ELMO1: variants seen among roughly 807,000 people sequenced by gnomAD.
ELMO1 encodes engulfment and cell motility 1, also known as engulfment and cell motility protein 1.
In ELMO1, 26 loss-of-function variants were observed where a neutral mutation model predicts 98.9. That is an observed-to-expected ratio of 0.26 (90% CI 0.19 to 0.36). The LOEUF is 0.36. Ranked by LOEUF, ELMO1 falls within the 10% of genes least tolerant of loss-of-function variation. ELMO1 has a pLI of 1.00. For missense variants in ELMO1, 627 were observed against 935.2 expected (o/e 0.67, Z 4.30); for synonymous variants, 346 against 346.0 (o/e 1.00, Z 0.00).
intron 1 of ELMO1, among the ~76,000 whole-genome samples, chr7:37,406,270 T>TTG (rs1380061586): frequency 1.3e-5 from 2 of 151,654 alleles, no homozygotes; most frequent in East Asian, 1.9e-4. Context: ...CTCTTTTGTT[T>TTG]TTTTTTTTTC....
At chr7:36,982,286 G>A (rs1791132439) in intron 16 of ELMO1, among the ~76,000 whole-genome samples, 1 of 152,228 alleles carries the variant, frequency 6.6e-6, no homozygotes, top group Admixed American at 6.5e-5. Flanking sequence ...TAAAACACAT[G>A]TCATATTTCA....
At chr7:36,900,711 T>C (rs1156936603) in intron 16 of ELMO1, among the ~76,000 whole-genome samples, 1 of 152,148 alleles carries the variant, frequency 6.6e-6, no homozygotes, top group Non-Finnish European at 1.5e-5. Flanking sequence ...AAGTACAATC[T>C]ACCCCCAACC....
chr7:37,174,886 C>T (rs1790416630), intron 13 of ELMO1, among the ~76,000 whole-genome samples: 1 of 152,048 alleles, frequency 6.6e-6, no homozygotes, highest in East Asian at 1.9e-4. Flanking sequence ...ATCAATAAGC[C>T]ACACCACAAA....
At chr7:36,895,138 C>A in intron 16 of ELMO1, 121 bp from the exon 17 acceptor site, 1 of 1,119,722 alleles carries the variant, frequency 8.9e-7, no homozygotes, top group Non-Finnish European at 1.3e-6. Context: ...TCAGCATTAA[C>A]CTTGAGCATG....
At chr7:37,007,285 C>A (rs919699420) in intron 16 of ELMO1, among the ~76,000 whole-genome samples, 1 of 152,182 alleles carries the variant, frequency 6.6e-6, no homozygotes, top group African/African-American at 2.4e-5. Context: ...CTCAAATATT[C>A]ATGTTTCAAT....
intron 14 of ELMO1, among the ~76,000 whole-genome samples, chr7:37,106,582 T>C (rs1308487190): frequency 6.6e-6 from 1 of 151,858 alleles, no homozygotes; most frequent in East Asian, 1.9e-4. Flanking sequence ...TAGGGTATTT[T>C]GTTAAAGCAG....
At chr7:37,432,678 C>T (rs1804980321) in intron 1 of ELMO1, among the ~76,000 whole-genome samples, 1 of 152,236 alleles carries the variant, frequency 6.6e-6, no homozygotes, top group African/African-American at 2.4e-5. Context: ...TGGGTAACCA[C>T]ACATGTGGTA....
chr7:37,408,375 C>A (rs190633519), intron 1 of ELMO1, among the ~76,000 whole-genome samples: 64 of 152,322 alleles, frequency 4.2e-4, no homozygotes, highest in African/African-American at 1.5e-3. Context: ...TAAGCCCCTA[C>A]GCTCTGTCTT....
intron 16 of ELMO1, among the ~76,000 whole-genome samples, chr7:36,979,779 T>G (rs1790889547): frequency 6.6e-6 from 1 of 152,210 alleles, no homozygotes; most frequent in African/African-American, 2.4e-5. Context: ...CCATCTCACC[T>G]GCTGGGACCT....
At chr7:37,237,113 T>C (rs1024730797) in intron 7 of ELMO1, among the ~76,000 whole-genome samples, 3 of 152,198 alleles carry the variant, frequency 2.0e-5, no homozygotes, top group Non-Finnish European at 2.9e-5. Context: ...CAACACACCA[T>C]GTGTGCTGGA....
At chr7:37,248,642 T>C (rs1261465996) in intron 6 of ELMO1, among the ~76,000 whole-genome samples, 1 of 152,202 alleles carries the variant, frequency 6.6e-6, no homozygotes, top group South Asian at 2.1e-4. Flanking sequence ...GTGGCAGCCA[T>C]CACAGCTGGG....
chr7:37,020,149 TG>T (rs1794185940), intron 15 of ELMO1, among the ~76,000 whole-genome samples: 1 of 152,198 alleles, frequency 6.6e-6, no homozygotes, highest in Non-Finnish European at 1.5e-5. Context: ...TGCAGCTCCC[TG>T]GGCTCCAGAT....
intron 2 of ELMO1, among the ~76,000 whole-genome samples, chr7:37,317,007 A>T (rs897604788): frequency 6.6e-6 from 1 of 152,184 alleles, no homozygotes; most frequent in Non-Finnish European, 1.5e-5. Flanking sequence ...GTTTATCTGT[A>T]AAATGGCAAT....
intron 16 of ELMO1, among the ~76,000 whole-genome samples, chr7:36,948,430 T>C (rs978910223): frequency 1.4e-4 from 21 of 152,346 alleles, no homozygotes; most frequent in African/African-American, 4.6e-4. Context: ...ATTGTCCTTT[T>C]ATCCTTACAA....
chr7:37,422,956 G>C (rs529199468), intron 1 of ELMO1, among the ~76,000 whole-genome samples: 1 of 152,216 alleles, frequency 6.6e-6, no homozygotes, highest in South Asian at 2.1e-4. Flanking sequence ...CTAGAGGTCT[G>C]TATTGTTACC....
intron 16 of ELMO1, among the ~76,000 whole-genome samples, chr7:36,983,981 T>G (rs1018270831): frequency 1.7e-4 from 25 of 143,052 alleles, no homozygotes; most frequent in African/African-American, 5.1e-4. Flanking sequence ...TTTTTTTTTT[T>G]GTAAACATTT....
chr7:37,092,251 T>G (rs1045431425), intron 15 of ELMO1, among the ~76,000 whole-genome samples: 6 of 152,018 alleles, frequency 3.9e-5, no homozygotes, highest in Admixed American at 1.3e-4. Context: ...ACAAGGGACA[T>G]TGTTCCAGGC....
intron 16 of ELMO1, among the ~76,000 whole-genome samples, chr7:36,955,425 A>C (rs769017721): frequency 2.6e-5 from 4 of 152,242 alleles, no homozygotes; most frequent in Non-Finnish European, 5.9e-5. Flanking sequence ...CACACTGAAC[A>C]GGTGTAAAAC....
In ELMO1 at chr7:37,426,615, C is replaced by T. The variant is rs576390739; in HGVS notation, c.-74+22060G>A. Reference sequence around the variant, plus strand: ...ATTATTCACAAACATACCAGCATCTCGTTTGGATTCCAGTCTCAAGGTCAC... The same window carrying T: ...ATTATTCACAAACATACCAGCATCTTGTTTGGATTCCAGTCTCAAGGTCAC... On this transcript the variant is annotated intron_variant, in intron 1 of 21. Coordinates refer to ENST00000310758, the MANE Select transcript of ELMO1 (RefSeq NM_014800.11). 2.6e-5 allele frequency among the ~76,000 whole-genome samples: 4 copies of T among 152,288 alleles called. No individual in the cohort carries two copies. In the East Asian group the frequency reaches 5.8e-4, roughly 22 times the overall value.
Sources: gnomAD v4.1 joint callset for allele counts (sites outside exome capture counted in the v4.1 genomes callset) on GRCh38, gnomAD v4.1.1 for gene constraint, MANE v1.5 for transcripts, NCBI Gene and HGNC (gene_info 2026-07-23, HGNC 2026-07-21) for gene names.